CRYBG3: variants seen among roughly 807,000 people sequenced by gnomAD.
CRYBG3 encodes very large A-kinase anchor protein.
A neutral mutation model predicts 244.2 loss-of-function variants in CRYBG3; 127 were observed. The observed-to-expected ratio is 0.52, with a 90% CI of 0.45 to 0.60. The LOEUF is 0.60. CRYBG3 is among the 20% of genes least tolerant of loss of function. CRYBG3 has a pLI of 0.00. For missense variants in CRYBG3, 3,325 were observed against 3,442.5 expected, an observed-to-expected ratio of 0.97 and a Z score of 0.85; for synonymous variants, 1,132 against 1,195.8, an observed-to-expected ratio of 0.95 and a Z score of 1.10.
At chr3:97,917,646 G>A (rs1001571974) in intron 17 of CRYBG3, among the ~76,000 whole-genome samples, 1 of 152,030 alleles carries the variant, frequency 6.6e-6, no homozygotes, top group African/African-American at 2.4e-5. Flanking sequence ...GGTCAATTTA[G>A]TGTTTTGTAA....
chr3:97,839,853 G>A (rs957962653), intron 1 of CRYBG3, among the ~76,000 whole-genome samples: 4 of 151,542 alleles, frequency 2.6e-5, no homozygotes, highest in Non-Finnish European at 5.9e-5. Context: ...CCAAAGTATT[G>A]GGATTACAGG....
Position 97,886,746 on chromosome 3 carries a change from C to G in CRYBG3, c.7268C>G (p.Ser2423Cys). ...LEELNISKSV[S>C]FTVKSGVWLA... Reference sequence around the variant, plus strand: ...GAACTGAATATCTCCAAATCTGTGTCCTTCACTGTGAAGTCAGGAGTGTAC... The same window carrying G: ...GAACTGAATATCTCCAAATCTGTGTGCTTCACTGTGAAGTCAGGAGTGTAC... Residue 2423 changes from serine to cysteine, a missense_variant, in exon 8 of 22, where the codon TCC (serine) becomes TGC (cysteine). By Grantham distance (112) the Ser-to-Cys change is moderately radical. Coordinates refer to ENST00000389622, the MANE Select transcript of CRYBG3 (RefSeq NM_153605.4). 6.2e-7 allele frequency: 1 copy of G among 1,607,814 alleles called. No individual in the cohort carries two copies.
intron 15 of CRYBG3, among the ~76,000 whole-genome samples, chr3:97,908,576 CTT>C (rs1197091560): frequency 6.6e-6 from 1 of 151,978 alleles, no homozygotes. Flanking sequence ...CAACCCCTGC[CTT>C]TTTTTGTTTT....
In CRYBG3 at chr3:97,888,568, G is replaced by A. The variant is rs1016693570; in HGVS notation, c.7404+113G>A. On this transcript the variant is annotated intron_variant, in intron 9 of 21. Transcript: ENST00000389622. ...ATCTCAAGTGAATATGTGTACTACT[G>A]AATTGGCAAACTATTGTACTGTAGT... 10 of 726,152 alleles carry A rather than the reference G, an allele frequency of 1.4e-5. No individual in the cohort carries two copies. The African/African-American group carries it at 1.8e-4, about 13-fold the overall frequency. 45.0% of individuals were successfully genotyped at this position (726,152 alleles called of 1,614,324 possible). A position where few individuals can be genotyped will look rare whatever the true frequency, so the allele number is the denominator to read the frequency against.
intron 17 of CRYBG3, among the ~76,000 whole-genome samples, chr3:97,920,617 C>T (rs1575966602): frequency 6.6e-6 from 1 of 152,196 alleles, no homozygotes; most frequent in Admixed American, 6.5e-5. Context: ...GCAACCTCCG[C>T]CTCCCAAGTT....
chr3:97,872,304 G>T lies in CRYBG3; in HGVS notation c.1110G>T (p.Pro370=), dbSNP rs933373330. Residue 370 remains proline, a synonymous_variant, in exon 4 of 22, where the codon CCG becomes CCT. Transcript: ENST00000389622. ...CACAGCACCATTTAAGTTGTGAACC[G>T]GTTTCTCAGACTAACAGAAATTTGG... ...SDSQHHLSCE[P]VSQTNRNLVC... The T allele has an allele frequency of 1.5e-5, 23 of 1,535,696 alleles. No individual in the cohort carries two copies. The highest frequency in any genetic ancestry group is 1.9e-5 in the Non-Finnish European group (22 of 1,146,742).
intron 20 of CRYBG3, chr3:97,942,058 A>G (rs1221908596): frequency 3.0e-6 from 1 of 335,818 alleles, no homozygotes; most frequent in African/African-American, 2.1e-5. Flanking sequence ...CCTATTAAAA[A>G]CAAGTACCTC....
chr3:97,854,628 G>A (rs2039039346), intron 2 of CRYBG3, among the ~76,000 whole-genome samples: 1 of 148,646 alleles, frequency 6.7e-6, no homozygotes, highest in Admixed American at 6.7e-5. Context: ...AAAATGGATT[G>A]AGTTCTTGAT....
intron 15 of CRYBG3, among the ~76,000 whole-genome samples, chr3:97,904,686 AT>A (rs1360878804): frequency 2.0e-5 from 3 of 147,136 alleles, no homozygotes; most frequent in Non-Finnish European, 4.5e-5. Flanking sequence ...TTTATTTTTT[AT>A]TTTTTTATTT....
chr3:97,914,236 A>C (rs183361823), intron 16 of CRYBG3, among the ~76,000 whole-genome samples: 7 of 152,238 alleles, frequency 4.6e-5, no homozygotes, highest in African/African-American at 1.7e-4. Context: ...GTATAAGTTA[A>C]ATAGAGATCT....
At chr3:97,834,196 T>C (rs1217811885) in intron 1 of CRYBG3, among the ~76,000 whole-genome samples, 1 of 152,182 alleles carries the variant, frequency 6.6e-6, no homozygotes, top group Non-Finnish European at 1.5e-5. Context: ...ATATGCTTTA[T>C]AAGTGCTGAT....
At position 97,942,287 on chromosome 3, in the gene CRYBG3, A is replaced by T. The variant is rs2040248469; in HGVS notation, c.8668A>T (p.Ser2890Cys). The part of the protein sequence containing the change: ...YCRGLFKSKA[S>C]DTCLDVIGGR... ...AATCATTTCTTAACCCTTTTAGGCCAGTGATACATGTCTTGATGTGATTGG... is the reference window on the plus strand; with the variant it reads ...AATCATTTCTTAACCCTTTTAGGCCTGTGATACATGTCTTGATGTGATTGG... The change falls in exon 21 of 22, where the codon AGT becomes TGT. Residue 2890 changes from serine (S) to cysteine (C), a missense_variant. Physicochemically the swap from Ser to Cys is moderately radical, Grantham distance 112. Transcript: ENST00000389622. 6.2e-7 allele frequency: 1 copy of T among 1,605,826 alleles called. No homozygotes were observed. Among genetic ancestry groups the T allele is most frequent in the South Asian group, 1.1e-5 (1 of 89,642 alleles).
At position 97,877,468 on chromosome 3, in the gene CRYBG3, G is replaced by A; in HGVS notation, c.6274G>A (p.Asp2092Asn). ...AGCATTGTCTCCCATTTATGAGGAT[G>A]ACAGCTCACAGGAGGACATTCTATC... Reference protein sequence around the residue: ...PLALSPIYEDDSSQEDILSSE... With the variant: ...PLALSPIYEDNSSQEDILSSE... Residue 2092 changes from aspartate to asparagine, a missense_variant, in exon 4 of 22, where the codon GAC (aspartate) becomes AAC (asparagine). Around this residue, in one of 4 missense-constraint regions of CRYBG3, gnomAD observed 450 missense variants for 424.1 expected, o/e 1.06. Transcript: ENST00000389622. 6.2e-7 allele frequency: 1 copy of A among 1,614,158 alleles called. No individual in the cohort carries two copies. Among genetic ancestry groups the A allele is most frequent in the South Asian group, 1.1e-5 (1 of 91,078 alleles).
chr3:97,893,057 G>T (rs773230905), intron 11 of CRYBG3, 64 bp downstream of exon 11: 19 of 1,370,038 alleles, frequency 1.4e-5, no homozygotes, highest in Non-Finnish European at 1.6e-5. Context: ...ACAAAAATGT[G>T]CTAAGCAAAG....
intron 16 of CRYBG3, among the ~76,000 whole-genome samples, chr3:97,914,601 C>T (rs1176530591): frequency 2.0e-5 from 3 of 152,092 alleles, no homozygotes; most frequent in South Asian, 2.1e-4. Context: ...AATGAGTCAT[C>T]GCTCTGAACC....
chr3:97,939,675 G>T (rs1234855279), intron 19 of CRYBG3, among the ~76,000 whole-genome samples: 1 of 151,976 alleles, frequency 6.6e-6, no homozygotes, highest in Non-Finnish European at 1.5e-5. Flanking sequence ...TATGTACAAG[G>T]TAATGAAAAT....
At chr3:97,836,630 A>T (rs2038737312) in intron 1 of CRYBG3, among the ~76,000 whole-genome samples, 2 of 152,166 alleles carry the variant, frequency 1.3e-5, no homozygotes, top group South Asian at 4.1e-4. Context: ...TTCTAAGAAA[A>T]ATATCCCAAG....
chr3:97,869,875 T>C (rs1322620085), intron 3 of CRYBG3, among the ~76,000 whole-genome samples: 2 of 152,290 alleles, frequency 1.3e-5, no homozygotes, highest in Middle Eastern at 3.4e-3. Context: ...AAGAAGTATT[T>C]AAGAGACACA....
intron 16 of CRYBG3, among the ~76,000 whole-genome samples, chr3:97,914,754 C>G (rs1035089201): frequency 6.6e-6 from 1 of 152,148 alleles, no homozygotes; most frequent in Non-Finnish European, 1.5e-5. Context: ...ATGCTTATTA[C>G]ATTAGAAGAC....
Sources: gnomAD v4.1 joint callset for allele counts (sites outside exome capture counted in the v4.1 genomes callset) on GRCh38, gnomAD v4.1.1 for gene constraint, gnomAD v4.1.1 regional missense constraint, MANE v1.5 for transcripts, NCBI Gene and HGNC (gene_info 2026-07-23, HGNC 2026-07-21) for gene names.